SNX29: variants seen among roughly 807,000 people sequenced by gnomAD.
SNX29 encodes the protein sorting nexin-29.
SNX29 carries 78 observed loss-of-function variants against 102.1 expected under a neutral mutation model. That is an observed-to-expected ratio of 0.76 (90% CI 0.64 to 0.92). The LOEUF is 0.92. Among genes scored for constraint, SNX29 ranks in the 40% least tolerant of loss-of-function variants. SNX29 has a pLI of 0.00. For missense variants in SNX29, 1,280 were observed against 1,061.7 expected (o/e 1.21, Z -2.86); for synonymous variants, 580 against 414.5 (o/e 1.40, Z -4.85).
rs149301479 is a variant in SNX29 at position 12,394,537 on chromosome 16, C to T, written c.1900-3909C>T. 1.1e-3 allele frequency among the ~76,000 whole-genome samples: 161 copies of T among 152,214 alleles called. No individual in the cohort carries two copies. In the East Asian group the frequency reaches 0.018, roughly 17 times the overall value. On this transcript the variant is annotated intron_variant, in intron 16 of 20. Transcript: ENST00000566228. ...TTTTATCTCTCATGATTCTGTGGGC[C>T]GACTGGGCTCAGCTGGGTGGTTCTT...
chr16:12,283,768 C>T (rs1484726291), intron 15 of SNX29, among the ~76,000 whole-genome samples: 3 of 152,208 alleles, frequency 2.0e-5, no homozygotes, highest in Non-Finnish European at 2.9e-5. Flanking sequence ...CGTGCCTGTT[C>T]TAATTGTCAG....
chr16:12,350,611 G>C (rs953133774), intron 15 of SNX29, among the ~76,000 whole-genome samples: 3 of 152,154 alleles, frequency 2.0e-5, no homozygotes, highest in African/African-American at 4.8e-5. Context: ...AGGTGGAGAG[G>C]TGACAAGTGG....
At chr16:12,228,044 G>A (rs909902784) in intron 14 of SNX29, among the ~76,000 whole-genome samples, 1 of 152,054 alleles carries the variant, frequency 6.6e-6, no homozygotes, top group Non-Finnish European at 1.5e-5. Flanking sequence ...CAGAGACTTA[G>A]GTAGGAGGAT....
chr16:12,006,206 A>AAATAATAAT (rs58638368), intron 3 of SNX29, among the ~76,000 whole-genome samples: 11,445 of 146,642 alleles, frequency 0.078, 626 homozygotes, highest in Middle Eastern at 0.17. Flanking sequence ...CCTGTCTCTA[A>AAATAATAAT]AATAATAATA....
At chr16:12,214,565 C>A (rs1209865094) in intron 14 of SNX29, among the ~76,000 whole-genome samples, 1 of 151,896 alleles carries the variant, frequency 6.6e-6, no homozygotes, top group African/African-American at 2.4e-5. Flanking sequence ...GAGTGACTTG[C>A]CTGAATATTT....
intron 16 of SNX29, among the ~76,000 whole-genome samples, chr16:12,388,160 T>C (rs2083400083): frequency 6.6e-6 from 1 of 152,188 alleles, no homozygotes; most frequent in Non-Finnish European, 1.5e-5. Context: ...GAGCCCGAAT[T>C]CTTTTTCCGC....
chr16:12,256,365 G>C (rs949944756), intron 14 of SNX29, among the ~76,000 whole-genome samples: 1 of 151,960 alleles, frequency 6.6e-6, no homozygotes, highest in East Asian at 1.9e-4. Context: ...TTGTTTTTTG[G>C]AGGTGGAGTC....
intron 16 of SNX29, among the ~76,000 whole-genome samples, chr16:12,362,394 C>G (rs2082325454): frequency 6.6e-6 from 1 of 152,204 alleles, no homozygotes; most frequent in Non-Finnish European, 1.5e-5. Flanking sequence ...CCACCTCCTC[C>G]CAGCCTCCTC....
At chr16:12,044,141 T>C (rs532009198) in intron 5 of SNX29, among the ~76,000 whole-genome samples, 1 of 152,332 alleles carries the variant, frequency 6.6e-6, no homozygotes, top group African/African-American at 2.4e-5. Context: ...ACGAATCCTG[T>C]TCTGGTTCCT....
intron 19 of SNX29, among the ~76,000 whole-genome samples, chr16:12,502,319 T>A (rs2089164314): frequency 6.6e-6 from 1 of 152,158 alleles, no homozygotes; most frequent in Non-Finnish European, 1.5e-5. Context: ...TGCCTCAGTG[T>A]CTTCAAGTTT....
chr16:12,480,140 G>T (rs2087838066), intron 19 of SNX29, among the ~76,000 whole-genome samples: 1 of 152,186 alleles, frequency 6.6e-6, no homozygotes, highest in African/African-American at 2.4e-5. Context: ...TGCTGTGTTA[G>T]TTTCCTCTTA....
chr16:11,978,138 A>C (rs1052482201), intron 1 of SNX29, among the ~76,000 whole-genome samples: 2 of 152,152 alleles, frequency 1.3e-5, no homozygotes, highest in African/African-American at 4.8e-5. Flanking sequence ...GATTTGTGAA[A>C]TGGACAGTCC....
At chr16:12,447,293 G>A (rs999781324) in intron 18 of SNX29, among the ~76,000 whole-genome samples, 6 of 150,132 alleles carry the variant, frequency 4.0e-5, no homozygotes, top group African/African-American at 1.5e-4. Context: ...GGCTTAGCAT[G>A]AGCTTTGGGC....
intron 14 of SNX29, among the ~76,000 whole-genome samples, chr16:12,218,813 T>A (rs1596538029): frequency 6.6e-6 from 1 of 152,188 alleles, no homozygotes; most frequent in Admixed American, 6.5e-5. Flanking sequence ...CTCGCTTTGT[T>A]GCCCAGTCTG....
chr16:12,077,269 A>AC (rs1383409099), intron 10 of SNX29, among the ~76,000 whole-genome samples: 1 of 143,746 alleles, frequency 7.0e-6, no homozygotes, highest in African/African-American at 2.7e-5. Flanking sequence ...ACGGAGTGAG[A>AC]ACCTGTCTTA....
intron 10 of SNX29, among the ~76,000 whole-genome samples, chr16:12,076,104 AC>A (rs1448336481): frequency 2.6e-5 from 4 of 151,744 alleles, no homozygotes; most frequent in African/African-American, 9.7e-5. Context: ...GAACTCCCTG[AC>A]CCCTTGCGCT....
chr16:12,549,196 C>G (rs888723654), intron 20 of SNX29, among the ~76,000 whole-genome samples: 13 of 152,138 alleles, frequency 8.5e-5, no homozygotes, highest in Non-Finnish European at 1.5e-4. Context: ...GCTAGGCACC[C>G]CTCACGATGC....
At chr16:12,216,276 A>G (rs993621945) in intron 14 of SNX29, among the ~76,000 whole-genome samples, 2 of 152,230 alleles carry the variant, frequency 1.3e-5, no homozygotes, top group African/African-American at 4.8e-5. Flanking sequence ...CTTTGCCACA[A>G]ACAGTCTTGG....
intron 15 of SNX29, among the ~76,000 whole-genome samples, chr16:12,339,232 G>A (rs530595209): frequency 3.3e-5 from 5 of 152,004 alleles, no homozygotes; most frequent in African/African-American, 7.3e-5. Flanking sequence ...TTAGCCAGGC[G>A]TGGTGGCGCA....
Sources: gnomAD v4.1 joint callset for allele counts (sites outside exome capture counted in the v4.1 genomes callset) on GRCh38, gnomAD v4.1.1 for gene constraint, MANE v1.5 for transcripts, NCBI Gene and HGNC (gene_info 2026-07-23, HGNC 2026-07-21) for gene names.